The following TBC1D20 variants were observed in gnomAD, a reference collection of about 807,000 sequenced individuals.
TBC1D20 encodes the protein TBC1 domain family member 20.
Under a neutral mutation model 41.6 loss-of-function variants are expected in TBC1D20, and 12 were observed. That is an observed-to-expected ratio of 0.29 (90% CI 0.18 to 0.47). The LOEUF is 0.47. Among genes scored for constraint, TBC1D20 ranks in the 20% least tolerant of loss-of-function variants. The pLI is 1.00. For missense variants in TBC1D20, 421 were observed against 517.4 expected (o/e 0.81, Z 1.81); for synonymous variants, 205 against 204.8 (o/e 1.00, Z -0.01).
rs531474855 is a variant in TBC1D20, at chr20:459,632, C to G, written c.70+2704G>C. ...GACTTTGGCCTACTCTTCATTAGAA[C>G]GCTTATTTTTATTTATTTATTTATT... On this transcript the variant is annotated intron_variant, in intron 1 of 7. Transcript: ENST00000354200. Among the ~76,000 whole-genome samples, 14 of 152,120 alleles carry G rather than the reference C, an allele frequency of 9.2e-5. No individual in the cohort carries two copies. The East Asian group carries it at 2.5e-3, about 27-fold the overall frequency.
At position 439,078 on chromosome 20, in the gene TBC1D20, C is replaced by A; in HGVS notation, c.956+30G>T. On this transcript the variant is annotated intron_variant, in intron 7 of 7. Transcript: ENST00000354200. The surrounding 1 kb of genome is among the most constrained non-coding windows in gnomAD (Gnocchi z 4.6). Reference sequence around the variant, plus strand: ...CGCTTCTGCTCATTTACAGCCACCCCCATTCAACCAGTGTCCCAGCCTTGC... The same window carrying A: ...CGCTTCTGCTCATTTACAGCCACCCACATTCAACCAGTGTCCCAGCCTTGC... 1 of 1,588,110 alleles carries A rather than the reference C, an allele frequency of 6.3e-7. No homozygotes were observed. Among genetic ancestry groups the A allele is most frequent in the Non-Finnish European group, 8.6e-7 (1 of 1,166,886 alleles).
chr20:438,636 T>C lies in TBC1D20; in HGVS notation c.1162A>G (p.Lys388Glu), dbSNP rs2017164245. 6.2e-7 allele frequency: 1 copy of C among 1,614,130 alleles called. No homozygotes were observed. The change falls in exon 8 of 8, where the codon AAA (lysine) becomes GAA (glutamate). Residue 388 changes from lysine (K) to glutamate (E), a missense_variant. Physicochemically the swap from Lys to Glu is moderately conservative, Grantham distance 56. Around this residue, in one of 3 missense-constraint regions of TBC1D20, gnomAD observed 161 missense variants for 182.7 expected, o/e 0.88. Coordinates refer to ENST00000354200, the MANE Select transcript of TBC1D20 (RefSeq NM_144628.4). ...ALGAAALAVV[K>E]SALEWAPKFQ... ...TTAGGGGCCCATTCCAGGGCACTTT[T>C]CACCACAGCCAGTGCAGCCGCTCCA... is the stretch of plus-strand genomic sequence containing the variant.
chr20:456,360 CATT>C (rs2017539970), intron 1 of TBC1D20, among the ~76,000 whole-genome samples: 1 of 152,146 alleles, frequency 6.6e-6, no homozygotes, highest in South Asian at 2.1e-4. Flanking sequence ...TCCATTCATC[CATT>C]CATCCGCCTG....
chr20:461,630 GGGATTACAGGCGCGA>G (rs1344367980), intron 1 of TBC1D20, among the ~76,000 whole-genome samples: 1 of 152,212 alleles, frequency 6.6e-6, no homozygotes, highest in African/African-American at 2.4e-5. Flanking sequence ...CCAAAGCGCT[GGGATTACAGGCGCGA>G]GCCATGGTGC....
intron 3 of TBC1D20, 54 bp downstream of exon 3, chr20:444,996 A>C (rs1035179005): frequency 6.6e-7 from 1 of 1,505,726 alleles, no homozygotes; most frequent in Non-Finnish European, 9.1e-7. Flanking sequence ...ACATGGTATG[A>C]CCTGGAACAG....
intron 3 of TBC1D20, among the ~76,000 whole-genome samples, chr20:443,032 AGAGCTTGCAGT>A (rs1461843659): frequency 1.2e-4 from 19 of 152,170 alleles, no homozygotes; most frequent in African/African-American, 4.6e-4. Flanking sequence ...CCCAGGAACC[AGAGCTTGCAGT>A]GAGCTGAGAT....
Position 440,237 on chromosome 20 carries a change from C to A in TBC1D20, c.768+11G>T. ...GGTGAACCCAGCTGCTGGCTCGTGG[C>A]CTGTACCTACCACGGCTGCAAAGTA... is the stretch of plus-strand genomic sequence containing the variant. On this transcript the variant is annotated intron_variant, in intron 6 of 7. Transcript: ENST00000354200. 1 of 1,608,814 alleles carries A rather than the reference C, an allele frequency of 6.2e-7. No homozygotes were observed. The highest frequency in any genetic ancestry group is 8.5e-7 in the Non-Finnish European group (1 of 1,177,846).
In TBC1D20 at chr20:440,707, TTACC is replaced by T. The variant is rs111689636; in HGVS notation, c.627-322_627-319del. 0.016 allele frequency: 4,087 copies of T among 257,232 alleles called. 167 individuals are homozygous for T. Among genetic ancestry groups the T allele is most frequent in the African/African-American group, 0.084 (3,713 of 44,464 alleles). 15.9% of individuals were successfully genotyped at this position (257,232 alleles called of 1,614,324 possible). ...CCATGATTCTCCTTCTGACTAAGTC[TTACC>T]CTTCTGGGGGGCACAGGTACATATT... On this transcript the variant is annotated intron_variant, in intron 5 of 7. Transcript: ENST00000354200.
chr20:461,332 G>T (rs1168542997), intron 1 of TBC1D20, among the ~76,000 whole-genome samples: 1 of 152,144 alleles, frequency 6.6e-6, no homozygotes, highest in African/African-American at 2.4e-5. Context: ...AACTAAAAGA[G>T]TATAAAAATA....
intron 1 of TBC1D20, among the ~76,000 whole-genome samples, chr20:449,844 C>T (rs1015834849): frequency 8.5e-5 from 13 of 152,080 alleles, no homozygotes; most frequent in South Asian, 2.1e-4. Context: ...TTAATTAGTA[C>T]GTAATATGCA....
At chr20:453,093 C>T (rs1423700865) in intron 1 of TBC1D20, among the ~76,000 whole-genome samples, 9 of 123,786 alleles carry the variant, frequency 7.3e-5, no homozygotes, top group Non-Finnish European at 9.5e-5. Flanking sequence ...TTGAGGTAAG[C>T]TGAGATTGCA....
In TBC1D20 at chr20:437,780, C is replaced by T. The variant is rs150217971; in HGVS notation, c.*806G>A. 84 of 152,918 alleles carry T rather than the reference C, an allele frequency of 5.5e-4. No individual in the cohort carries two copies. The East Asian group carries it at 0.015, about 28-fold the overall frequency. 9.5% of individuals were successfully genotyped at this position (152,918 alleles called of 1,614,324 possible). A position where few individuals can be genotyped will look rare whatever the true frequency, so the allele number is the denominator to read the frequency against. ...TTCTGATGAGAACTATTTTTTTTTC[C>T]GTGAAGGAACTATTATTACTTTAAA... On this transcript the variant is annotated 3_prime_UTR_variant, in exon 8 of 8. Coordinates refer to ENST00000354200, the MANE Select transcript of TBC1D20 (RefSeq NM_144628.4).
chr20:439,430 G>A lies in TBC1D20; in HGVS notation c.769-135C>T. 2 of 643,112 alleles carry A rather than the reference G, an allele frequency of 3.1e-6. No homozygotes were observed. The highest frequency in any genetic ancestry group is 5.4e-6 in the Non-Finnish European group (2 of 370,658). 39.8% of individuals were successfully genotyped at this position (643,112 alleles called of 1,614,324 possible). On this transcript the variant is annotated intron_variant, in intron 6 of 7. Coordinates refer to ENST00000354200, the MANE Select transcript of TBC1D20 (RefSeq NM_144628.4). The surrounding 1 kb of genome is among the most constrained non-coding windows in gnomAD (Gnocchi z 4.6). ...CAGCCCAAATGTTGAGCAAACTCTT[G>A]TATCCATCAAGGAAGTAATAACATA...
intron 3 of TBC1D20, 45 bp from the exon 4 acceptor site, chr20:442,088 A>G: frequency 6.6e-7 from 1 of 1,505,682 alleles, no homozygotes; most frequent in Non-Finnish European, 9.0e-7. Context: ...CAAGCAGCCT[A>G]GTTAACAAGG....
intron 1 of TBC1D20, among the ~76,000 whole-genome samples, chr20:455,825 G>A (rs2017530375): frequency 1.3e-5 from 2 of 149,106 alleles, no homozygotes; most frequent in Admixed American, 1.3e-4. Flanking sequence ...CTAGTTACTT[G>A]GGAGGCTGAG....
At chr20:460,216 C>T (rs2017605739) in intron 1 of TBC1D20, among the ~76,000 whole-genome samples, 1 of 151,890 alleles carries the variant, frequency 6.6e-6, no homozygotes, top group Admixed American at 6.6e-5. Flanking sequence ...AGGGGGGGGC[C>T]GTTTTGTGTG....
rs757353876 is a variant in TBC1D20, at chr20:441,946, G to A, written c.435C>T (p.Gly145=). 2 of 1,614,132 alleles carry A rather than the reference G, an allele frequency of 1.2e-6. No homozygotes were observed. Among genetic ancestry groups the A allele is most frequent in the South Asian group, 1.1e-5 (1 of 91,072 alleles). The change falls in exon 4 of 8, where the codon GGC becomes GGT. Residue 145 remains glycine, a synonymous_variant. Coordinates refer to ENST00000354200, the MANE Select transcript of TBC1D20 (RefSeq NM_144628.4). ...GAAATGTGACCACAATGTCATGGTA[G>A]CCCTGGTAGTAGTGCAGCTGAGGGT... ...ERNPQLHYYQ[G]YHDIVVTFLL...
At chr20:462,206 T>A in intron 1 of TBC1D20, 130 bp downstream of exon 1, 1 of 459,890 alleles carries the variant, frequency 2.2e-6, no homozygotes, top group East Asian at 8.5e-5. Context: ...CCTGTTCCTC[T>A]CGCCGCCCGG....
At position 438,546 on chromosome 20, in the gene TBC1D20, A is replaced by C; in HGVS notation, c.*40T>G. ...CTCCCAATCCTTCCATGGAAGGGTG[A>C]GACCTTAATGTGATGTAAGAGGAAG... is the stretch of plus-strand genomic sequence containing the variant. On this transcript the variant is annotated 3_prime_UTR_variant, in exon 8 of 8. Transcript: ENST00000354200. 1 of 1,602,962 alleles carries C rather than the reference A, an allele frequency of 6.2e-7. No homozygotes were observed. The highest frequency in any genetic ancestry group is 8.5e-7 in the Non-Finnish European group (1 of 1,171,756).
Sources: gnomAD v4.1 joint callset for allele counts (sites outside exome capture counted in the v4.1 genomes callset) on GRCh38, gnomAD v4.1.1 for gene constraint, gnomAD v4.1.1 regional missense constraint, Gnocchi (gnomAD v3.1) non-coding constraint, MANE v1.5 for transcripts, NCBI Gene and HGNC (gene_info 2026-07-23, HGNC 2026-07-21) for gene names.